The following ZFPM2 variants were observed in gnomAD, a reference collection of about 807,000 sequenced individuals.
ZFPM2 encodes zinc finger protein, FOG family member 2.
Under a neutral mutation model 98.6 loss-of-function variants are expected in ZFPM2, and 20 were observed. The ratio of observed to expected loss-of-function variants is 0.20; its 90% confidence interval spans 0.14 to 0.29. The LOEUF (loss-of-function observed/expected upper bound fraction) is 0.29. ZFPM2 is among the 10% of genes least tolerant of loss of function. ZFPM2 has a pLI of 1.00. For missense variants in ZFPM2, 1,310 were observed against 1,388.6 expected (o/e 0.94, Z 0.90); for synonymous variants, 518 against 502.7 (o/e 1.03, Z -0.41).
chr8:105,621,727 AT>A (rs1816551542), intron 4 of ZFPM2, among the ~76,000 whole-genome samples: 1 of 152,210 alleles, frequency 6.6e-6, no homozygotes, highest in Non-Finnish European at 1.5e-5. Flanking sequence ...TCTTGAAGAA[AT>A]GTAACTCATA....
intron 5 of ZFPM2, among the ~76,000 whole-genome samples, chr8:105,739,902 G>A (rs1237767895): frequency 6.6e-6 from 1 of 151,916 alleles, no homozygotes; most frequent in Non-Finnish European, 1.5e-5. Context: ...TTTTGGGAAA[G>A]GTTGAATTTT....
intron 5 of ZFPM2, among the ~76,000 whole-genome samples, chr8:105,750,892 G>T (rs1425910103): frequency 2.0e-5 from 3 of 152,058 alleles, no homozygotes; most frequent in African/African-American, 7.2e-5. Flanking sequence ...CTGGAGCAAA[G>T]CTAAAGAGAG....
chr8:105,390,732 T>C (rs1354957045), intron 1 of ZFPM2, among the ~76,000 whole-genome samples: 1 of 152,126 alleles, frequency 6.6e-6, no homozygotes, highest in Non-Finnish European at 1.5e-5. Context: ...AATGTACTCA[T>C]GGTAATGAAA....
chr8:105,733,556 T>C (rs1262928047), intron 5 of ZFPM2, among the ~76,000 whole-genome samples: 2 of 151,880 alleles, frequency 1.3e-5, no homozygotes, highest in Non-Finnish European at 2.9e-5. Flanking sequence ...TTCACTTTCA[T>C]ACTGGTGATT....
Position 105,803,293 on chromosome 8 carries a change from G to T in ZFPM2, c.3211G>T (p.Asp1071Tyr). 1 of 1,595,260 alleles carries T rather than the reference G, an allele frequency of 6.3e-7. No homozygotes were observed. Among genetic ancestry groups the T allele is most frequent in the Non-Finnish European group, 8.5e-7 (1 of 1,170,422 alleles). ...CATTTCCCAGAATCCTCAGCACGAA[G>T]ACGACCACAAATCTCCCTCGTGGAT... is the stretch of plus-strand genomic sequence containing the variant. ...ENISQNPQHE[D>Y]DHKSPSWISE... The change falls in exon 8 of 8, where the codon GAC (aspartate) becomes TAC (tyrosine). Residue 1071 changes from aspartate (D) to tyrosine (Y), a missense_variant. Physicochemically the swap from Asp to Tyr is radical, Grantham distance 160. Coordinates refer to ENST00000407775, the MANE Select transcript of ZFPM2 (RefSeq NM_012082.4).
At chr8:105,717,670 C>T (rs1811557315) in intron 5 of ZFPM2, among the ~76,000 whole-genome samples, 1 of 151,798 alleles carries the variant, frequency 6.6e-6, no homozygotes, top group Non-Finnish European at 1.5e-5. Context: ...GTTATTGCCT[C>T]AATTATCAAT....
chr8:105,450,053 A>G (rs1812454671), intron 3 of ZFPM2, among the ~76,000 whole-genome samples: 1 of 152,148 alleles, frequency 6.6e-6, no homozygotes, highest in Non-Finnish European at 1.5e-5. Flanking sequence ...TAAATTTTCA[A>G]AAATAAATGT....
intron 3 of ZFPM2, among the ~76,000 whole-genome samples, chr8:105,469,437 T>G (rs765898009): frequency 6.6e-6 from 1 of 152,210 alleles, no homozygotes; most frequent in Non-Finnish European, 1.5e-5. Context: ...CTTCTTTCTT[T>G]AGTTTCTACC....
At chr8:105,597,829 A>C (rs561245683) in intron 4 of ZFPM2, among the ~76,000 whole-genome samples, 14 of 152,216 alleles carry the variant, frequency 9.2e-5, no homozygotes, top group Non-Finnish European at 1.9e-4. Flanking sequence ...TAGTGAATCA[A>C]ATTCCTAATA....
intron 5 of ZFPM2, among the ~76,000 whole-genome samples, chr8:105,672,076 T>C (rs1182293572): frequency 6.6e-6 from 1 of 152,188 alleles, no homozygotes; most frequent in Non-Finnish European, 1.5e-5. Flanking sequence ...TAAAGTCTTA[T>C]ACATTCTAGA....
At chr8:105,463,211 AT>A (rs1812734303) in intron 3 of ZFPM2, among the ~76,000 whole-genome samples, 1 of 151,904 alleles carries the variant, frequency 6.6e-6, no homozygotes, top group South Asian at 2.1e-4. Flanking sequence ...CTTTATATTC[AT>A]TTTTTAATTG....
At chr8:105,373,940 G>A (rs1409489575) in intron 1 of ZFPM2, among the ~76,000 whole-genome samples, 3 of 152,156 alleles carry the variant, frequency 2.0e-5, no homozygotes, top group Admixed American at 6.5e-5. Context: ...CAACACCTGG[G>A]CTGGGAGGGC....
At chr8:105,456,586 C>T (rs1812597379) in intron 3 of ZFPM2, among the ~76,000 whole-genome samples, 1 of 152,020 alleles carries the variant, frequency 6.6e-6, no homozygotes, top group Non-Finnish European at 1.5e-5. Context: ...ATTTGTATTC[C>T]TGTATTAAAC....
chr8:105,631,604 C>T (rs1258671115), intron 4 of ZFPM2, among the ~76,000 whole-genome samples: 1 of 152,138 alleles, frequency 6.6e-6, no homozygotes, highest in Non-Finnish European at 1.5e-5. Context: ...CTCTTTTCCT[C>T]ATTGACCCCG....
At chr8:105,537,374 A>G (rs1586445796) in intron 3 of ZFPM2, among the ~76,000 whole-genome samples, 1 of 152,322 alleles carries the variant, frequency 6.6e-6, no homozygotes, top group Non-Finnish European at 1.5e-5. Flanking sequence ...AGACAGCTTC[A>G]TTGAAATCTT....
In ZFPM2 at chr8:105,624,837, G is replaced by T. The variant is rs1816620535; in HGVS notation, c.421-9409G>T. 2.0e-5 allele frequency among the ~76,000 whole-genome samples: 3 copies of T among 151,992 alleles called. No individual in the cohort carries two copies. In the South Asian group the frequency reaches 6.2e-4, roughly 32 times the overall value. ...GAGATAATGATTATTTAAATTTTTG[G>T]TTCATAGAGATAAAACTGTCTGACA... On this transcript the variant is annotated intron_variant, in intron 4 of 7. Coordinates refer to ENST00000407775, the MANE Select transcript of ZFPM2 (RefSeq NM_012082.4).
intron 1 of ZFPM2, among the ~76,000 whole-genome samples, chr8:105,399,684 G>A (rs937490221): frequency 2.0e-5 from 3 of 149,130 alleles, no homozygotes; most frequent in Admixed American, 1.3e-4. Flanking sequence ...ATTATTTGCC[G>A]AATACATTTC....
intron 5 of ZFPM2, among the ~76,000 whole-genome samples, chr8:105,659,630 G>C (rs1054848300): frequency 3.3e-5 from 5 of 152,184 alleles, no homozygotes; most frequent in African/African-American, 1.2e-4. Context: ...TATTTGTATG[G>C]AGTTAAATCA....
intron 5 of ZFPM2, among the ~76,000 whole-genome samples, chr8:105,688,878 A>T (rs1810809580): frequency 6.6e-6 from 1 of 152,196 alleles, no homozygotes; most frequent in African/African-American, 2.4e-5. Flanking sequence ...TATTGTATTA[A>T]TATAGCAGCT....
Sources: gnomAD v4.1 joint callset for allele counts (sites outside exome capture counted in the v4.1 genomes callset) on GRCh38, gnomAD v4.1.1 for gene constraint, MANE v1.5 for transcripts, NCBI Gene and HGNC (gene_info 2026-07-23, HGNC 2026-07-21) for gene names.